Variants in TMC4 observed in about 807,000 individuals in gnomAD.
TMC4 encodes the protein voltage-gated chloride channel TMC4.
Under a neutral mutation model 82.0 loss-of-function variants are expected in TMC4, and 70 were observed. The observed-to-expected ratio is 0.85, with a 90% confidence interval of 0.70 to 1.04. TMC4 has a LOEUF of 1.04. Among genes scored for constraint, TMC4 ranks in the 50% least tolerant of loss-of-function variants. TMC4 has a pLI of 0.00. For synonymous variants in TMC4, 446 were observed against 406.0 expected (o/e 1.10, Z -1.18); for missense variants, 879 against 899.0 (o/e 0.98, Z 0.28).
At chr19:54,162,593 T>G in intron 10 of TMC4, 80 bp downstream of exon 10, 7 of 1,133,464 alleles carry the variant, frequency 6.2e-6, no homozygotes, top group South Asian at 1.3e-5. Context: ...GGTAAAAAGG[T>G]GCGCGGTGAA....
intron 10 of TMC4, 98 bp from the exon 11 acceptor site, chr19:54,162,383 T>TGGGG (rs1261966748): frequency 3.9e-6 from 1 of 258,082 alleles, no homozygotes; most frequent in Non-Finnish European, 6.5e-6. Context: ...GCATGCGTAT[T>TGGGG]GGTGGTGGGG....
At chr19:54,169,409 A>G (rs1026050163) in intron 3 of TMC4, 103 bp downstream of exon 3, 48 of 1,450,174 alleles carry the variant, frequency 3.3e-5, no homozygotes, top group Non-Finnish European at 4.2e-5. Flanking sequence ...TCCAGGCCCA[A>G]GCCCCTCCTC....
chr19:54,169,604 C>G lies in TMC4; in HGVS notation c.350G>C (p.Arg117Pro), dbSNP rs572772104. The change falls in exon 3 of 15, where the codon CGA becomes CCA. Residue 117 changes from arginine to proline, a missense_variant. Physicochemically the swap from Arg to Pro is moderately radical, Grantham distance 103. Transcript: ENST00000619895. ...VVYGSGTKTD[R>P]WARLLRRSKE... Reference sequence around the variant, plus strand: ...GGACCTCCGAAGTAGCCGCGCCCATCGGTCCGTCTTAGTTCCAGAGCCATA... The same window carrying G: ...GGACCTCCGAAGTAGCCGCGCCCATGGGTCCGTCTTAGTTCCAGAGCCATA... 11 of 1,614,036 alleles carry G rather than the reference C, an allele frequency of 6.8e-6. No homozygotes were observed. Among genetic ancestry groups the G allele is most frequent in the African/African-American group, 6.7e-5 (5 of 75,018 alleles).
chr19:54,163,304 CTTTCTTTTT>C, intron 8 of TMC4, 145 bp from the exon 9 acceptor site: 20 of 794,772 alleles, frequency 2.5e-5, no homozygotes, highest in African/African-American at 4.6e-5. Context: ...TTCTTTCTTT[CTTTCTTTTT>C]TTTTTTTTTT....
chr19:54,166,472 C>G (rs1427289837), intron 5 of TMC4, among the ~76,000 whole-genome samples: 1 of 152,148 alleles, frequency 6.6e-6, no homozygotes, highest in Non-Finnish European at 1.5e-5. Flanking sequence ...CCTTCACTGC[C>G]CTGGCCCCGG....
intron 2 of TMC4, 57 bp downstream of exon 2, chr19:54,171,813 T>G: frequency 6.8e-7 from 1 of 1,469,274 alleles, no homozygotes. Context: ...GAGTCCAGGG[T>G]ATGGGAGAAG....
chr19:54,168,764 C>CGCCT (rs1473709379), intron 3 of TMC4, 84 bp from the exon 4 acceptor site: 23 of 664,956 alleles, frequency 3.5e-5, no homozygotes, highest in Non-Finnish European at 4.4e-5. Context: ...GGTCCAGCCG[C>CGCCT]GCCTTCCTTT....
In TMC4 at chr19:54,160,333, C is replaced by T; in HGVS notation, c.2094G>A (p.Ala698=). The change falls in exon 15 of 15, where the codon GCG becomes GCA. Residue 698 remains alanine, a synonymous_variant. Coordinates refer to ENST00000619895, the MANE Select transcript of TMC4 (RefSeq NM_144686.4). ...AAAGAGCCGGTTTGGTGGAGGTCAG[C>T]GCCACAGCGCGCCGTGCCAGGAAGA... ...NKVFLARRAV[A]LTSTKPAL 5.9e-6 allele frequency: 9 copies of T among 1,522,474 alleles called. No homozygotes were observed. Among genetic ancestry groups the T allele is most frequent in the Non-Finnish European group, 7.9e-6 (9 of 1,135,938 alleles). The allele number at this position is 1,522,474 out of a possible 1,614,324, so 94.3% of individuals were successfully genotyped here.
intron 2 of TMC4, among the ~76,000 whole-genome samples, chr19:54,171,091 A>C (rs1387008205): frequency 2.0e-5 from 3 of 151,136 alleles, no homozygotes; most frequent in Non-Finnish European, 2.9e-5. Context: ...GTGTATATAT[A>C]TACACACATA....
At chr19:54,169,393 C>G in intron 3 of TMC4, 119 bp downstream of exon 3, 1 of 1,391,106 alleles carries the variant, frequency 7.2e-7, no homozygotes. Context: ...CCCTCAGACC[C>G]AAAAATCCAG....
chr19:54,169,324 C>T (rs185315454), intron 3 of TMC4, among the ~76,000 whole-genome samples, 188 bp downstream of exon 3: 2 of 151,936 alleles, frequency 1.3e-5, no homozygotes, highest in Non-Finnish European at 2.9e-5. Flanking sequence ...CGTGAGCCAC[C>T]GCGCCAGGCC....
Position 54,160,381 on chromosome 19 carries a change from C to A in TMC4, c.2053-7G>T. The stretch of plus-strand genomic sequence containing the variant: ...AGACTTTATTCTGCGCCTCCTGGGG[C>A]AAAGAGAGGTGGAGGTGAGACAATC... On this transcript the variant is annotated splice_region_variant and splice_polypyrimidine_tract_variant and intron_variant, in intron 14 of 14. Transcript: ENST00000619895. 1 of 1,551,230 alleles carries A rather than the reference C, an allele frequency of 6.4e-7. No homozygotes were observed. Among genetic ancestry groups the A allele is most frequent in the Non-Finnish European group, 8.7e-7 (1 of 1,146,768 alleles).
Position 54,164,479 on chromosome 19 carries a change from G to A in TMC4, c.1068C>T (p.Ala356=). The A allele has an allele frequency of 1.9e-6, 3 of 1,613,912 alleles. No individual in the cohort carries two copies. The highest frequency in any genetic ancestry group is 2.5e-6 in the Non-Finnish European group (3 of 1,179,998). ...NLLVVALLGA[A]FYGVYWATGC... The stretch of plus-strand genomic sequence containing the variant: ...CCGTAGCCCAGTAGACGCCATAGAA[G>A]GCTGCCCCCAGGAGCGCGACCACCA... The change falls in exon 7 of 15, where the codon GCC becomes GCT. Residue 356 remains alanine, a synonymous_variant. Transcript: ENST00000619895.
Position 54,160,873 on chromosome 19 carries a change from C to G in TMC4, c.1973+5G>C. The G allele has an allele frequency of 6.2e-7, 1 of 1,613,774 alleles. No individual in the cohort carries two copies. Among genetic ancestry groups the G allele is most frequent in the East Asian group, 2.2e-5 (1 of 44,876 alleles). ...ACCCAGACCCAGAAGTCTGGGCCGT[C>G]TCACCTGGAGATCAGCAGAAGGGGC... is the stretch of plus-strand genomic sequence containing the variant. On this transcript the variant is annotated splice_donor_5th_base_variant and intron_variant, in intron 13 of 14. Transcript: ENST00000619895.
chr19:54,165,704 AT>A, intron 5 of TMC4, 138 bp from the exon 6 acceptor site: 1 of 968,960 alleles, frequency 1.0e-6, no homozygotes, highest in Non-Finnish European at 1.5e-6. Context: ...ACCAGACCAG[AT>A]GGGGAAAGAG....
intron 3 of TMC4, 135 bp downstream of exon 3, chr19:54,169,377 C>T (rs2075826831): frequency 4.2e-6 from 5 of 1,200,258 alleles, no homozygotes; most frequent in South Asian, 1.5e-5. Context: ...ACCCCCAGCC[C>T]CTCCTCCCTC....
In TMC4 at chr19:54,168,703, G is replaced by A. The variant is rs1048421267; in HGVS notation, c.443-23C>T. On this transcript the variant is annotated intron_variant, in intron 3 of 14. Transcript: ENST00000619895. ...GGCCTGCAGGGGGCAGCAGAGAGAG[G>A]CTCAGGTTCCTTCCCGGGAGCAGGA... 2.8e-6 allele frequency: 4 copies of A among 1,437,416 alleles called. No individual in the cohort carries two copies. In the East Asian group the frequency reaches 1.1e-4, roughly 39 times the overall value. The allele number at this position is 1,437,416 out of a possible 1,614,324, so 89.0% of individuals were successfully genotyped here. A position where few individuals can be genotyped will look rare whatever the true frequency, so the allele number is the denominator to read the frequency against.
chr19:54,162,684 C>G lies in TMC4; in HGVS notation c.1491G>C (p.Gln497His), dbSNP rs751113769. 2 of 1,613,824 alleles carry G rather than the reference C, an allele frequency of 1.2e-6. No individual in the cohort carries two copies. Among genetic ancestry groups the G allele is most frequent in the South Asian group, 2.2e-5 (2 of 91,060 alleles). ...LTVLAVALLI[Q>H]FPRKLLCGLC... ...GGCGGGGCTCTCACTTTCTAGGAAA[C>G]TGGATGAGCAGCGCGACTGCCAAGA... is the stretch of plus-strand genomic sequence containing the variant. The change falls in exon 10 of 15, where the codon CAG (glutamine) becomes CAC (histidine). Residue 497 changes from glutamine to histidine, a missense_variant. Physicochemically the swap from Gln to His is conservative, Grantham distance 24. Coordinates refer to ENST00000619895, the MANE Select transcript of TMC4 (RefSeq NM_144686.4).
Position 54,162,091 on chromosome 19 carries a change from CT to C in TMC4, c.1686+10del, listed in dbSNP as rs764315607. 4 of 1,605,420 alleles carry C rather than the reference CT, an allele frequency of 2.5e-6. No homozygotes were observed. In the East Asian group the frequency reaches 6.7e-5, roughly 27 times the overall value. On this transcript the variant is annotated intron_variant, in intron 11 of 14. Transcript: ENST00000619895. ...CCTGCCTCAGACCCAAGGGTCCCCCCTACCCCTTACCTTCTTCAGGTAGAAA... is the reference window on the plus strand; with the variant it reads ...CCTGCCTCAGACCCAAGGGTCCCCCCACCCCTTACCTTCTTCAGGTAGAAA...
Sources: gnomAD v4.1 joint callset for allele counts (sites outside exome capture counted in the v4.1 genomes callset) on GRCh38, gnomAD v4.1.1 for gene constraint, MANE v1.5 for transcripts, NCBI Gene and HGNC (gene_info 2026-07-23, HGNC 2026-07-21) for gene names.